The following KIZ variants were observed in gnomAD, a reference collection of about 807,000 sequenced individuals.
The protein encoded by KIZ is kizuna centrosomal protein.
A neutral mutation model predicts 79.6 loss-of-function variants in KIZ; 68 were observed. That is an observed-to-expected ratio of 0.85 (90% CI 0.70 to 1.05). The LOEUF (loss-of-function observed/expected upper bound fraction) is 1.05, where lower values mean the gene tolerates loss of function less well. Ranked by LOEUF, KIZ falls within the 50% of genes least tolerant of loss-of-function variation. The pLI is 0.00. For synonymous variants in KIZ, 280 were observed against 281.8 expected (o/e 0.99, Z 0.06); for missense variants, 797 against 800.4 (o/e 1.00, Z 0.05).
In KIZ at chr20:21,136,490, G is replaced by T; in HGVS notation, c.253G>T (p.Glu85Ter). Residue 85 changes from glutamate (E) to a stop codon, truncating the protein, a stop_gained, in exon 3 of 13, where the codon GAG becomes TAG. Coordinates refer to ENST00000619189, the MANE Select transcript of KIZ (RefSeq NM_018474.6). LOFTEE classifies it high-confidence loss of function. Reference protein sequence around the residue: ...TRNQEYLKRFERVQAHVVHFT... With the variant: ...TRNQEYLKRF ...AAACCAAGAATATTTAAAGCGATTT[G>T]AGCGTGTCCAAGCTCATGTTGTACA... is the stretch of plus-strand genomic sequence containing the variant. The T allele has an allele frequency of 1.9e-6, 3 of 1,601,210 alleles. No individual in the cohort carries two copies. The highest frequency in any genetic ancestry group is 2.2e-5 in the South Asian group (2 of 88,996).
chr20:21,192,225 T>C (rs1173112647), intron 6 of KIZ, among the ~76,000 whole-genome samples: 3 of 151,924 alleles, frequency 2.0e-5, no homozygotes, highest in Admixed American at 2.0e-4. Flanking sequence ...AATTACATGT[T>C]CATCACTTAG....
chr20:21,192,613 T>G (rs2035161848), intron 6 of KIZ, among the ~76,000 whole-genome samples: 1 of 152,152 alleles, frequency 6.6e-6, no homozygotes, highest in African/African-American at 2.4e-5. Context: ...CCCTGAAAAA[T>G]GAACTGACAA....
chr20:21,152,510 A>T, intron 4 of KIZ, among the ~76,000 whole-genome samples: 1 of 152,110 alleles, frequency 6.6e-6, no homozygotes, highest in East Asian at 1.9e-4. Flanking sequence ...GAGATCTCTA[A>T]GAGAGTTTTA....
At chr20:21,157,402 A>G (rs1235551484) in intron 4 of KIZ, among the ~76,000 whole-genome samples, 4 of 152,184 alleles carry the variant, frequency 2.6e-5, no homozygotes, top group Non-Finnish European at 5.9e-5. Flanking sequence ...GTATTCCAAG[A>G]AGTCTGGCAA....
At chr20:21,160,384 G>A (rs540112231) in intron 4 of KIZ, among the ~76,000 whole-genome samples, 68 of 152,210 alleles carry the variant, frequency 4.5e-4, no homozygotes, top group Middle Eastern at 3.4e-3. Context: ...TGGGAAACCT[G>A]TTTGGATAAC....
chr20:21,237,692 G>C (rs1281405158), intron 11 of KIZ, among the ~76,000 whole-genome samples: 1 of 152,170 alleles, frequency 6.6e-6, no homozygotes, highest in African/African-American at 2.4e-5. Context: ...TTAACCTTCT[G>C]AACGTTTCCT....
intron 6 of KIZ, among the ~76,000 whole-genome samples, chr20:21,172,269 G>A (rs2034242331): frequency 6.6e-6 from 1 of 152,158 alleles, no homozygotes; most frequent in Non-Finnish European, 1.5e-5. Flanking sequence ...ATGTGGAGAA[G>A]AGGAAGGAAA....
chr20:21,170,495 T>C (rs1232123787), intron 6 of KIZ, among the ~76,000 whole-genome samples: 1 of 151,926 alleles, frequency 6.6e-6, no homozygotes, highest in East Asian at 1.9e-4. Flanking sequence ...TTCACGCCAT[T>C]CTCCTGCCTC....
intron 11 of KIZ, among the ~76,000 whole-genome samples, chr20:21,239,940 G>A (rs551835103): frequency 2.4e-3 from 365 of 152,222 alleles, no homozygotes; most frequent in Non-Finnish European, 3.9e-3. Flanking sequence ...AAAATAAGAT[G>A]GCTTAATGGC....
chr20:21,209,176 A>G (rs2035960652), intron 7 of KIZ, among the ~76,000 whole-genome samples: 1 of 152,156 alleles, frequency 6.6e-6, no homozygotes, highest in African/African-American at 2.4e-5. Context: ...TAAATACATC[A>G]TCAAAGCCGC....
intron 6 of KIZ, among the ~76,000 whole-genome samples, chr20:21,186,442 G>A (rs1214687884): frequency 2.0e-5 from 3 of 151,482 alleles, no homozygotes; most frequent in African/African-American, 4.9e-5. Context: ...CCACTTACCC[G>A]GAATTGGGAC....
intron 7 of KIZ, 74 bp downstream of exon 7, chr20:21,205,658 TAAA>T (rs11478463): frequency 1.8e-3 from 880 of 497,424 alleles, no homozygotes; most frequent in African/African-American, 2.8e-3. Flanking sequence ...AATTTTTATT[TAAA>T]AAAAAAAAAA....
At position 21,162,880 on chromosome 20, in the gene KIZ, A is replaced by C. The variant is rs377067566; in HGVS notation, c.1073A>C (p.Gln358Pro). 1.1e-4 allele frequency: 182 copies of C among 1,613,446 alleles called. No homozygotes were observed. Among genetic ancestry groups the C allele is most frequent in the Non-Finnish European group, 1.5e-4 (177 of 1,179,724 alleles). ...DHLAHREPKS[Q>P]KPFRKMQEEE... ...CTTGCTCACAGGGAACCAAAGTCAC[A>C]AAAGCCCTTCAGAAAAATGCAGGAA... is the stretch of plus-strand genomic sequence containing the variant. The change falls in exon 6 of 13, where the codon CAA becomes CCA. Residue 358 changes from glutamine to proline, a missense_variant. Transcript: ENST00000619189.
chr20:21,190,643 A>C (rs1224338807), intron 6 of KIZ, among the ~76,000 whole-genome samples: 1 of 152,198 alleles, frequency 6.6e-6, no homozygotes, highest in Non-Finnish European at 1.5e-5. Flanking sequence ...GTGGTCCTTG[A>C]GTATTTGGTA....
At chr20:21,178,031 T>C (rs1600464407) in intron 6 of KIZ, among the ~76,000 whole-genome samples, 1 of 152,152 alleles carries the variant, frequency 6.6e-6, no homozygotes, top group Admixed American at 6.5e-5. Flanking sequence ...CAGCTTTTTC[T>C]TCTTTCTCAA....
At chr20:21,173,461 C>G (rs2034303025) in intron 6 of KIZ, among the ~76,000 whole-genome samples, 1 of 151,578 alleles carries the variant, frequency 6.6e-6, no homozygotes, top group Non-Finnish European at 1.5e-5. Context: ...GCCTGTAATC[C>G]CAGCTACTTG....
At chr20:21,164,929 C>T (rs2033859714) in intron 6 of KIZ, among the ~76,000 whole-genome samples, 1 of 152,060 alleles carries the variant, frequency 6.6e-6, no homozygotes. Flanking sequence ...TAAAAATATT[C>T]TCCAGGAATA....
chr20:21,236,761 G>A (rs1469065413), intron 11 of KIZ, among the ~76,000 whole-genome samples: 2 of 151,938 alleles, frequency 1.3e-5, no homozygotes, highest in South Asian at 4.2e-4. Context: ...TTGGGAGGCC[G>A]AGGCAGGCAG....
Position 21,214,715 on chromosome 20 carries a change from AGTGT to A in KIZ, c.1612+20_1612+23del. The A allele has an allele frequency of 6.3e-7, 1 of 1,596,594 alleles. No homozygotes were observed. Among genetic ancestry groups the A allele is most frequent in the East Asian group, 2.2e-5 (1 of 44,728 alleles). ...AAGGGAACAAGGTAACTATTGTTAA[AGTGT>A]GTGTCCACAGCAAAAAGGCATTCAG... On this transcript the variant is annotated intron_variant, in intron 8 of 12. Transcript: ENST00000619189.
Sources: gnomAD v4.1 joint callset for allele counts (sites outside exome capture counted in the v4.1 genomes callset) on GRCh38, gnomAD v4.1.1 for gene constraint, MANE v1.5 for transcripts, NCBI Gene and HGNC (gene_info 2026-07-23, HGNC 2026-07-21) for gene names.